Variants in SCLT1 observed in about 807,000 individuals in gnomAD.
SCLT1 encodes the protein sodium channel-associated protein 1.
In SCLT1, 78 loss-of-function variants were observed where a neutral mutation model predicts 112.8. The observed-to-expected ratio is 0.69, with a 90% CI of 0.58 to 0.83. The LOEUF is 0.83. Among genes scored for constraint, SCLT1 ranks in the 40% least tolerant of loss-of-function variants. The pLI is 0.00. For synonymous variants in SCLT1, 257 were observed against 254.7 expected, an observed-to-expected ratio of 1.01 and a Z score of -0.09; for missense variants, 747 against 770.4, an observed-to-expected ratio of 0.97 and a Z score of 0.36.
chr4:129,012,752 G>A (rs1221503518), intron 5 of SCLT1, among the ~76,000 whole-genome samples: 5 of 150,334 alleles, frequency 3.3e-5, no homozygotes, highest in African/African-American at 1.2e-4. Context: ...TTGTTGAATT[G>A]AATTGAACCT....
At chr4:129,083,163 C>G (rs1031520501) in intron 1 of SCLT1, among the ~76,000 whole-genome samples, 3 of 131,178 alleles carry the variant, frequency 2.3e-5, no homozygotes, top group African/African-American at 8.2e-5. Context: ...TGCACCCCAG[C>G]CTGGGTGACA....
chr4:128,919,263 A>C (rs966189728), intron 18 of SCLT1, among the ~76,000 whole-genome samples: 2 of 152,136 alleles, frequency 1.3e-5, no homozygotes. Context: ...ATCAATACTA[A>C]GGAAATTGCT....
chr4:128,875,880 C>A (rs532199413), intron 4 of SCLT1, among the ~76,000 whole-genome samples: 1 of 152,078 alleles, frequency 6.6e-6, no homozygotes, highest in African/African-American at 2.4e-5. Flanking sequence ...TCATTAAATG[C>A]TTTCTTTTGA....
At chr4:129,021,327 G>A (rs181413297) in intron 5 of SCLT1, among the ~76,000 whole-genome samples, 4 of 152,280 alleles carry the variant, frequency 2.6e-5, no homozygotes, top group East Asian at 1.9e-4. Flanking sequence ...CGCCTGGAAC[G>A]AGAGTGAGAC....
At chr4:128,997,557 C>G (rs1329669986) in intron 8 of SCLT1, among the ~76,000 whole-genome samples, 1 of 151,658 alleles carries the variant, frequency 6.6e-6, no homozygotes, top group East Asian at 1.9e-4. Flanking sequence ...TTATTAAATA[C>G]CTGGCAGTGT....
intron 9 of SCLT1, among the ~76,000 whole-genome samples, chr4:128,983,956 A>G (rs1741884773): frequency 6.6e-6 from 1 of 151,990 alleles, no homozygotes; most frequent in African/African-American, 2.4e-5. Flanking sequence ...TGAAAGCAAC[A>G]CTCTCTTCCG....
intron 18 of SCLT1, among the ~76,000 whole-genome samples, chr4:128,891,643 C>CT (rs5861870): frequency 0.048 from 5,768 of 119,482 alleles, 348 homozygotes; most frequent in African/African-American, 0.11. Flanking sequence ...CTATAATATG[C>CT]TTTTTTTTTT....
intron 5 of SCLT1, among the ~76,000 whole-genome samples, chr4:129,024,297 C>G (rs1189544489): frequency 2.0e-5 from 3 of 152,220 alleles, no homozygotes; most frequent in Non-Finnish European, 4.4e-5. Context: ...GAAGGCACCC[C>G]CAAGTAGGGG....
chr4:129,087,459 T>C (rs1752489958), intron 1 of SCLT1, among the ~76,000 whole-genome samples: 1 of 150,294 alleles, frequency 6.7e-6, no homozygotes, highest in Admixed American at 6.6e-5. Context: ...TACCTGATAC[T>C]AAAACCAGAC....
chr4:129,006,267 C>T (rs1315713093), intron 5 of SCLT1, among the ~76,000 whole-genome samples: 10 of 152,050 alleles, frequency 6.6e-5, no homozygotes, highest in Non-Finnish European at 1.2e-4. Flanking sequence ...TAGCCAGGTT[C>T]GGTGGCTCAC....
chr4:129,035,895 T>A (rs1343982401), intron 5 of SCLT1, among the ~76,000 whole-genome samples: 2 of 152,006 alleles, frequency 1.3e-5, no homozygotes, highest in African/African-American at 4.8e-5. Flanking sequence ...AATGACTTCA[T>A]TATTTCCTAT....
intron 2 of SCLT1, among the ~76,000 whole-genome samples, chr4:129,054,247 G>T (rs191924696): frequency 6.6e-6 from 1 of 152,080 alleles, no homozygotes; most frequent in Non-Finnish European, 1.5e-5. Flanking sequence ...TTTTCTCGAG[G>T]AGTATCTTTG....
chr4:129,087,644 C>T (rs761112608), intron 1 of SCLT1, among the ~76,000 whole-genome samples: 1 of 150,232 alleles, frequency 6.7e-6, no homozygotes, highest in Non-Finnish European at 1.5e-5. Context: ...GTCCTAGCTA[C>T]TCAAGAGGGT....
At chr4:129,008,292 G>C (rs1188243520) in intron 5 of SCLT1, among the ~76,000 whole-genome samples, 1 of 152,120 alleles carries the variant, frequency 6.6e-6, no homozygotes, top group Non-Finnish European at 1.5e-5. Context: ...ATTTCGCTGA[G>C]CACACAATTC....
intron 5 of SCLT1, 72 bp downstream of exon 5, chr4:129,038,969 A>G: frequency 1.1e-6 from 1 of 936,572 alleles, no homozygotes; most frequent in South Asian, 1.4e-5. Flanking sequence ...ATAGCTATCA[A>G]ATATCAAATA....
chr4:129,038,419 AAAGT>A (rs1051779969), intron 5 of SCLT1, among the ~76,000 whole-genome samples: 13 of 152,206 alleles, frequency 8.5e-5, no homozygotes, highest in African/African-American at 3.1e-4. Flanking sequence ...ATTGAATAAA[AAAGT>A]AAGTCCTAGA....
At chr4:128,897,497 C>G (rs1733875103) in intron 18 of SCLT1, among the ~76,000 whole-genome samples, 1 of 68,794 alleles carries the variant, frequency 1.5e-5, no homozygotes, top group Non-Finnish European at 2.8e-5. Flanking sequence ...ACCACCAGGC[C>G]TGCCTAAAAG....
intron 2 of SCLT1, among the ~76,000 whole-genome samples, chr4:129,059,933 G>A (rs1033056722): frequency 2.6e-5 from 4 of 152,098 alleles, no homozygotes; most frequent in African/African-American, 4.8e-5. Flanking sequence ...TTCATTAATA[G>A]GTTTTCTATG....
intron 9 of SCLT1, among the ~76,000 whole-genome samples, chr4:128,981,521 GCC>G (rs1362727593): frequency 6.6e-6 from 1 of 151,924 alleles, no homozygotes; most frequent in East Asian, 1.9e-4. Flanking sequence ...CAGCCGGATG[GCC>G]CCACCTGGAC....
Sources: gnomAD v4.1 joint callset for allele counts (sites outside exome capture counted in the v4.1 genomes callset) on GRCh38, gnomAD v4.1.1 for gene constraint, MANE v1.5 for transcripts, NCBI Gene and HGNC (gene_info 2026-07-23, HGNC 2026-07-21) for gene names.